PCDHGA5: variants seen among roughly 807,000 people sequenced by gnomAD.
PCDHGA5 encodes the protein protocadherin gamma-A5.
A neutral mutation model predicts 56.7 loss-of-function variants in PCDHGA5; 36 were observed. That is an observed-to-expected ratio of 0.64 (90% CI 0.49 to 0.84). The LOEUF (loss-of-function observed/expected upper bound fraction) is 0.84, where lower values mean the gene tolerates loss of function less well. Among genes scored for constraint, PCDHGA5 ranks in the 40% least tolerant of loss-of-function variants. The probability of loss-of-function intolerance (pLI) is 0.00; values close to 1 mark genes in which losing one functional copy is unlikely to be tolerated. For synonymous variants in PCDHGA5, 563 were observed against 520.2 expected (o/e 1.08, Z -1.12); for missense variants, 1,305 against 1,201.5 (o/e 1.09, Z -1.27).
rs1016254258 is a variant in PCDHGA5 at position 141,489,870 on chromosome 5, G to C, written c.2422-4937G>C. ...GTGAAGCCCAGGCAAGACATCAGCT[G>C]GTGCTTACTGCTGTGGATGGGGGGA... On this transcript the variant is annotated intron_variant, in intron 1 of 3. Transcript: ENST00000518069. The surrounding 1 kb of genome is among the most constrained non-coding windows in gnomAD (Gnocchi z 4.5). The C allele has an allele frequency of 2.0e-5, 32 of 1,614,102 alleles. No homozygotes were observed. Among genetic ancestry groups the C allele is most frequent in the African/African-American group, 4.0e-5 (3 of 74,944 alleles).
chr5:141,374,455 G>T, intron 1 of PCDHGA5: 2 of 1,613,610 alleles, frequency 1.2e-6, no homozygotes, highest in Non-Finnish European at 1.7e-6. Context: ...TGGAAATAGT[G>T]GACATTAATG....
At chr5:141,385,566 C>T in intron 1 of PCDHGA5, 1 of 1,303,468 alleles carries the variant, frequency 7.7e-7, no homozygotes, top group Non-Finnish European at 9.7e-7. Context: ...TAATTTCCAC[C>T]TACTTTCCAA....
At chr5:141,444,358 A>T (rs2098433774) in intron 1 of PCDHGA5, among the ~76,000 whole-genome samples, 1 of 151,436 alleles carries the variant, frequency 6.6e-6, no homozygotes, top group Non-Finnish European at 1.5e-5. Context: ...TTTAGTAGAG[A>T]CGGGGTTTCT....
At chr5:141,502,368 G>A (rs2099813930) in intron 2 of PCDHGA5, among the ~76,000 whole-genome samples, 1 of 151,996 alleles carries the variant, frequency 6.6e-6, no homozygotes, top group East Asian at 1.9e-4. Context: ...TATTTTTAAA[G>A]AGTCCAGGCC....
chr5:141,389,790 G>C (rs1328126483), intron 1 of PCDHGA5: 1 of 1,613,470 alleles, frequency 6.2e-7, no homozygotes, highest in South Asian at 1.1e-5. Context: ...CAGGGACGCC[G>C]TCCGCCAGCG....
In PCDHGA5 at chr5:141,365,839, C is replaced by T. The variant is rs1212060265; in HGVS notation, c.1509C>T (p.Ser503=). ...CATTTCAGGGGGCGCCCTTGTCCTC[C>T]TATGTATCCATTAACTCTGACACCG... The part of the protein sequence containing the change: ...EDTFQGAPLS[S]YVSINSDTGV... Residue 503 remains serine (S), a synonymous_variant, in exon 1 of 4, where the codon TCC becomes TCT. Coordinates refer to ENST00000518069, the MANE Select transcript of PCDHGA5 (RefSeq NM_018918.3). 3 of 1,613,840 alleles carry T rather than the reference C, an allele frequency of 1.9e-6. No homozygotes were observed. The highest frequency in any genetic ancestry group is 2.5e-6 in the Non-Finnish European group (3 of 1,179,878).
Position 141,485,668 on chromosome 5 carries a change from T to C in PCDHGA5, c.2422-9139T>C. 6.2e-7 allele frequency: 1 copy of C among 1,612,698 alleles called. No homozygotes were observed. The highest frequency in any genetic ancestry group is 1.3e-5 in the African/African-American group (1 of 74,972). ...CTCAGGATGCAGATGTGGGGAGCAA[T>C]TCGATTAGCAGCTATAGGCTGAGCT... On this transcript the variant is annotated intron_variant, in intron 1 of 3. Transcript: ENST00000518069. The surrounding 1 kb of genome is among the most constrained non-coding windows in gnomAD (Gnocchi z 5.7).
chr5:141,372,670 A>T (rs1383646459), intron 1 of PCDHGA5: 1 of 1,614,026 alleles, frequency 6.2e-7, no homozygotes. Flanking sequence ...GCTGCCTCAC[A>T]TTCCTCAAAC....
In PCDHGA5 at chr5:141,365,152, C is replaced by A; in HGVS notation, c.822C>A (p.Asn274Lys). 1 of 1,613,880 alleles carries A rather than the reference C, an allele frequency of 6.2e-7. No homozygotes were observed. Among genetic ancestry groups the A allele is most frequent in the Non-Finnish European group, 8.5e-7 (1 of 1,179,870 alleles). Residue 274 changes from asparagine to lysine, a missense_variant, in exon 1 of 4, where the codon AAC becomes AAA. Physicochemically the swap from Asn to Lys is moderately conservative, Grantham distance 94 (BLOSUM62 0). Coordinates refer to ENST00000518069, the MANE Select transcript of PCDHGA5 (RefSeq NM_018918.3). Reference protein sequence around the residue: ...LTATDPDEGINGKLTYSFRNE... With the variant: ...LTATDPDEGIKGKLTYSFRNE... ...CCACGGATCCAGATGAGGGAATAAACGGGAAATTGACCTACTCTTTTCGCA... is the reference window on the plus strand; with the variant it reads ...CCACGGATCCAGATGAGGGAATAAAAGGGAAATTGACCTACTCTTTTCGCA...
intron 3 of PCDHGA5, 88 bp from the exon 4 acceptor site, chr5:141,510,859 A>G: frequency 6.2e-7 from 1 of 1,606,096 alleles, no homozygotes; most frequent in Non-Finnish European, 8.5e-7. Context: ...GGTGCTGTAT[A>G]GGCATTCATT....
rs201120335 is a variant in PCDHGA5, at chr5:141,389,439, G to T, written c.2421+22688G>T. On this transcript the variant is annotated intron_variant, in intron 1 of 3. Transcript: ENST00000518069. ...GGTGGTGTTCGCGCAGCGCGCCTTC[G>T]ACCACGAGCAGCTGCGCGCCTTCGA... The T allele has an allele frequency of 4.0e-4, 652 of 1,610,462 alleles. No individual in the cohort carries two copies. The highest frequency in any genetic ancestry group is 5.4e-4 in the Non-Finnish European group (638 of 1,178,376).
intron 1 of PCDHGA5, among the ~76,000 whole-genome samples, chr5:141,467,772 C>A (rs972304213): frequency 1.3e-5 from 2 of 151,686 alleles, no homozygotes; most frequent in Admixed American, 6.6e-5. Flanking sequence ...AGTGCCCGCA[C>A]CTCAGCCTCT....
chr5:141,405,815 T>C (rs755764286), intron 1 of PCDHGA5, among the ~76,000 whole-genome samples: 14 of 103,812 alleles, frequency 1.3e-4, no homozygotes, highest in Non-Finnish European at 2.3e-4. Flanking sequence ...TCTTTAACTG[T>C]CTGTACTTAA....
In PCDHGA5 at chr5:141,414,973, A is replaced by G. The variant is rs533056439; in HGVS notation, c.2421+48222A>G. 1.9e-5 allele frequency: 30 copies of G among 1,613,870 alleles called. No homozygotes were observed. The African/African-American group carries it at 3.7e-4, about 20-fold the overall frequency. Reference sequence around the variant, plus strand: ...GGTGACCAAGGTGGTGGCGGTGGACAGAGACTCCGGCCAGAACGCCTGGCT... The same window carrying G: ...GGTGACCAAGGTGGTGGCGGTGGACGGAGACTCCGGCCAGAACGCCTGGCT... On this transcript the variant is annotated intron_variant, in intron 1 of 3. Transcript: ENST00000518069.
chr5:141,374,304 T>C lies in PCDHGA5; in HGVS notation c.2421+7553T>C, dbSNP rs748378038. On this transcript the variant is annotated intron_variant, in intron 1 of 3. Coordinates refer to ENST00000518069, the MANE Select transcript of PCDHGA5 (RefSeq NM_018918.3). ...ATCGTCTCCAGAGGTAGGATGCAGC[T>C]TTTCTCTCTGAATCCGCGAAACGGC... 3.7e-6 allele frequency: 6 copies of C among 1,613,950 alleles called. No homozygotes were observed. The highest frequency in any genetic ancestry group is 1.7e-4 in the Middle Eastern group (1 of 6,058).
At chr5:141,445,573 A>G (rs1311326050) in intron 1 of PCDHGA5, among the ~76,000 whole-genome samples, 1 of 152,248 alleles carries the variant, frequency 6.6e-6, no homozygotes, top group Admixed American at 6.5e-5. Flanking sequence ...AGCTTATAGT[A>G]GGGAAGCTTC....
chr5:141,408,851 G>T, intron 1 of PCDHGA5: 4 of 1,613,574 alleles, frequency 2.5e-6, no homozygotes, highest in African/African-American at 1.3e-5. Context: ...TGCCTTGGAC[G>T]GAGGGGACCC....
intron 1 of PCDHGA5, among the ~76,000 whole-genome samples, chr5:141,470,385 T>C (rs1278833959): frequency 1.3e-5 from 2 of 152,206 alleles, no homozygotes; most frequent in Non-Finnish European, 2.9e-5. Flanking sequence ...GACTACTCGA[T>C]GATATTTAGG....
At chr5:141,500,453 C>G (rs1403599390) in intron 2 of PCDHGA5, among the ~76,000 whole-genome samples, 1 of 152,246 alleles carries the variant, frequency 6.6e-6, no homozygotes, top group African/African-American at 2.4e-5. Flanking sequence ...TCGTGATCCG[C>G]CCGCCTCGGC....
Sources: allele counts gnomAD v4.1 joint callset (sites outside exome capture counted in the v4.1 genomes callset), GRCh38; gene constraint gnomAD v4.1.1; non-coding constraint Gnocchi (gnomAD v3.1); transcripts MANE v1.5; gene names NCBI Gene and HGNC (gene_info 2026-07-23, HGNC 2026-07-21).